Variants in RALYL observed in about 807,000 individuals in gnomAD.
RALYL encodes the protein RALY RNA binding protein like.
RALYL carries 29 observed loss-of-function variants against 35.1 expected under a neutral mutation model. The observed-to-expected ratio is 0.83, with a 90% confidence interval of 0.61 to 1.13. RALYL has a LOEUF of 1.13. Among genes scored for constraint, RALYL ranks in the 50% most tolerant of loss-of-function variants. The probability of loss-of-function intolerance (pLI) is 0.00; values close to 1 mark genes in which losing one functional copy is unlikely to be tolerated. For missense variants in RALYL, 359 were observed against 360.4 expected, an observed-to-expected ratio of 1.00 and a Z score of 0.03; for synonymous variants, 120 against 127.6, an observed-to-expected ratio of 0.94 and a Z score of 0.40.
intron 1 of RALYL, among the ~76,000 whole-genome samples, chr8:84,453,198 A>G (rs1321288904): frequency 6.6e-6 from 1 of 151,916 alleles, no homozygotes; most frequent in Non-Finnish European, 1.5e-5. Flanking sequence ...ACAAATGCAT[A>G]TATATAAACA....
intron 1 of RALYL, among the ~76,000 whole-genome samples, chr8:84,321,727 G>A (rs1345271772): frequency 6.6e-6 from 1 of 152,092 alleles, no homozygotes; most frequent in Non-Finnish European, 1.5e-5. Context: ...CCATAAGGTA[G>A]TAGAATCTTT....
At chr8:84,698,234 TAAAC>T in intron 2 of RALYL, among the ~76,000 whole-genome samples, 1 of 152,084 alleles carries the variant, frequency 6.6e-6, no homozygotes, top group Non-Finnish European at 1.5e-5. Flanking sequence ...TAAAGCAACA[TAAAC>T]AAAATCCCTC....
At chr8:84,648,850 G>C (rs987054648) in intron 2 of RALYL, among the ~76,000 whole-genome samples, 1 of 151,220 alleles carries the variant, frequency 6.6e-6, no homozygotes, top group African/African-American at 2.4e-5. Context: ...CTTAACAAAA[G>C]TGATACAGGG....
At chr8:84,386,873 C>T (rs1859322938) in intron 1 of RALYL, among the ~76,000 whole-genome samples, 4 of 151,836 alleles carry the variant, frequency 2.6e-5, no homozygotes, top group Admixed American at 2.6e-4. Context: ...TGTTGCCTGT[C>T]CTTTTCACCT....
At chr8:84,496,380 G>A (rs2056020178) in intron 1 of RALYL, among the ~76,000 whole-genome samples, 1 of 152,110 alleles carries the variant, frequency 6.6e-6, no homozygotes, top group Admixed American at 6.6e-5. Flanking sequence ...TTTAGTTTCA[G>A]ATAGGATGGC....
chr8:84,424,474 A>C (rs1277090749), intron 1 of RALYL, among the ~76,000 whole-genome samples: 1 of 145,054 alleles, frequency 6.9e-6, no homozygotes. Context: ...AAAGTTTTCA[A>C]CTTCTTTGCC....
chr8:84,586,920 C>A (rs969155233), intron 2 of RALYL, among the ~76,000 whole-genome samples: 2 of 152,086 alleles, frequency 1.3e-5, no homozygotes, highest in Non-Finnish European at 2.9e-5. Context: ...TCATTTGGTT[C>A]ATTTTTTCTG....
intron 1 of RALYL, among the ~76,000 whole-genome samples, chr8:84,290,499 G>T (rs1025027252): frequency 6.6e-6 from 1 of 151,798 alleles, no homozygotes; most frequent in Non-Finnish European, 1.5e-5. Flanking sequence ...GGGCAGGAGT[G>T]GGGGGTCACA....
chr8:84,351,796 T>TAGAGA (rs1850946043), intron 1 of RALYL, among the ~76,000 whole-genome samples: 1 of 150,258 alleles, frequency 6.7e-6, no homozygotes, highest in Non-Finnish European at 1.5e-5. Flanking sequence ...TGCTACAGAG[T>TAGAGA]ATCTAGAAAT....
At chr8:84,407,027 T>C (rs1443432693) in intron 1 of RALYL, among the ~76,000 whole-genome samples, 46 of 136,392 alleles carry the variant, frequency 3.4e-4, no homozygotes, top group African/African-American at 1.2e-3. Context: ...TCTATATATA[T>C]ATATATATAC....
intron 1 of RALYL, among the ~76,000 whole-genome samples, chr8:84,296,339 G>T (rs1252228189): frequency 1.3e-5 from 2 of 152,064 alleles, no homozygotes; most frequent in Non-Finnish European, 1.5e-5. Flanking sequence ...TTAGATCAGA[G>T]AATTCAAGAC....
At chr8:84,509,786 A>G (rs2057460649) in intron 1 of RALYL, among the ~76,000 whole-genome samples, 1 of 152,188 alleles carries the variant, frequency 6.6e-6, no homozygotes, top group Non-Finnish European at 1.5e-5. Flanking sequence ...GTTATGGTCT[A>G]TAGTTTTGCT....
At chr8:84,498,896 A>G (rs1235601776) in intron 1 of RALYL, among the ~76,000 whole-genome samples, 1 of 152,144 alleles carries the variant, frequency 6.6e-6, no homozygotes, top group Non-Finnish European at 1.5e-5. Flanking sequence ...GCATAATAAT[A>G]TTCATAGTTT....
At chr8:84,901,131 G>A (rs1381985007) in intron 8 of RALYL, among the ~76,000 whole-genome samples, 2 of 152,104 alleles carry the variant, frequency 1.3e-5, no homozygotes, top group African/African-American at 2.4e-5. Flanking sequence ...ATATTCCTGG[G>A]TTTATACAAC....
At chr8:84,769,865 G>A (rs1022782290) in intron 2 of RALYL, among the ~76,000 whole-genome samples, 7 of 146,246 alleles carry the variant, frequency 4.8e-5, no homozygotes, top group African/African-American at 7.3e-5. Flanking sequence ...ACAGAATAAA[G>A]TAAGTAAGTT....
rs573186876 is a variant in RALYL at position 84,224,070 on chromosome 8, C to T, written c.-24+39646C>T. Among the ~76,000 whole-genome samples the T allele has an allele frequency of 1.6e-4, 25 of 152,248 alleles. No individual in the cohort carries two copies. In the South Asian group the frequency reaches 5.0e-3, roughly 30 times the overall value. ...CTCATCTTTTCCAATCCTTCTGTTT[C>T]TCTAATACCACCCTTATACATAGAT... On this transcript the variant is annotated intron_variant, in intron 1 of 8. Transcript: ENST00000521268.
intron 3 of RALYL, among the ~76,000 whole-genome samples, chr8:84,783,523 T>C (rs1032398685): frequency 6.6e-6 from 1 of 152,222 alleles, no homozygotes; most frequent in Admixed American, 6.5e-5. Flanking sequence ...CTGTTTCTGG[T>C]AATTGGGGTG....
intron 1 of RALYL, among the ~76,000 whole-genome samples, chr8:84,242,491 C>A (rs1828163637): frequency 1.3e-5 from 2 of 152,216 alleles, no homozygotes; most frequent in Non-Finnish European, 2.9e-5. Flanking sequence ...TTCTTCACAA[C>A]CTTGCCAGCA....
intron 2 of RALYL, among the ~76,000 whole-genome samples, chr8:84,719,390 G>A (rs1205018042): frequency 6.6e-6 from 1 of 152,082 alleles, no homozygotes; most frequent in Admixed American, 6.6e-5. Context: ...TCACAGATGT[G>A]TATGCATGAT....
Sources: gnomAD v4.1 joint callset for allele counts (sites outside exome capture counted in the v4.1 genomes callset) on GRCh38, gnomAD v4.1.1 for gene constraint, MANE v1.5 for transcripts, NCBI Gene and HGNC (gene_info 2026-07-23, HGNC 2026-07-21) for gene names.